The following MYH7 variants were observed in gnomAD, a reference collection of about 807,000 sequenced individuals.
MYH7 encodes the protein myosin-7.
A neutral mutation model predicts 225.4 loss-of-function variants in MYH7; 129 were observed. The observed-to-expected ratio is 0.57, with a 90% CI of 0.50 to 0.66. MYH7 has a LOEUF of 0.66. Among genes scored for constraint, MYH7 ranks in the 30% least tolerant of loss-of-function variants. MYH7 has a pLI of 0.00. For missense variants in MYH7, 1,649 were observed against 2,517.0 expected, an observed-to-expected ratio of 0.66 and a Z score of 7.38; for synonymous variants, 971 against 1,007.6, an observed-to-expected ratio of 0.96 and a Z score of 0.69.
chr14:23,420,076 C>T lies in MYH7; in HGVS notation c.3495G>A (p.Lys1165=), dbSNP rs1398447220. 1.9e-6 allele frequency: 3 copies of T among 1,596,062 alleles called. No homozygotes were observed. Among genetic ancestry groups the T allele is most frequent in the African/African-American group, 1.3e-5 (1 of 74,298 alleles). Reference sequence around the variant, plus strand: ...TCTTCTGGAACTCGGCCTCGCGCTTCTTGTTCATCTCGATCTGCACGGACG... The same window carrying T: ...TCTTCTGGAACTCGGCCTCGCGCTTTTTGTTCATCTCGATCTGCACGGACG... ...GATSVQIEMN[K]KREAEFQKMR... is the part of the protein sequence containing the mutation. Residue 1165 remains lysine, a synonymous_variant, in exon 27 of 40, where the codon AAG becomes AAA. Transcript: ENST00000355349.
chr14:23,418,220 C>G lies in MYH7; in HGVS notation c.4159G>C (p.Glu1387Gln), dbSNP rs730880792. The G allele has an allele frequency of 6.2e-7, 1 of 1,613,404 alleles. No individual in the cohort carries two copies. The change falls in exon 30 of 40, where the codon GAG becomes CAG. Residue 1387 changes from glutamate to glutamine, a missense_variant. Glu to Gln is a conservative substitution (Grantham distance 29). Transcript: ENST00000355349. The part of the protein sequence containing the change: ...TDAIQRTEEL[E>Q]EAKKKLAQRL... Reference sequence around the variant, plus strand: ...CTGCTCAGAACTCACTTGGCCTCCTCGAGCTCCTCAGTCCGCTGAATGGCG... The same window carrying G: ...CTGCTCAGAACTCACTTGGCCTCCTGGAGCTCCTCAGTCCGCTGAATGGCG...
rs2239578 is a variant in MYH7 at position 23,434,171 on chromosome 14, A to G, written c.-9+23T>C. On this transcript the variant is annotated intron_variant, in intron 2 of 39. Transcript: ENST00000355349. The stretch of plus-strand genomic sequence containing the variant: ...TGCCCAGTCTTACTAGATTTTCAAC[A>G]CTCTAGCTTCAGCTTTTCTTACCTG... The G allele has an allele frequency of 0.49, 517,505 of 1,056,418 alleles. 128,146 individuals carry two copies. The highest frequency in any genetic ancestry group is 0.63 in the African/African-American group (37,468 of 59,544). The allele number at this position is 1,056,418 out of a possible 1,614,324, so 65.4% of individuals were successfully genotyped here.
In MYH7 at chr14:23,415,867, C is replaced by A; in HGVS notation, c.4954-35G>T. Reference sequence around the variant, plus strand: ...AGGAGAGTGGGCATGAGCAGGGAGCCAGCCTCGGTTCCCTTCACTAAAGGC... The same window carrying A: ...AGGAGAGTGGGCATGAGCAGGGAGCAAGCCTCGGTTCCCTTCACTAAAGGC... On this transcript the variant is annotated intron_variant, in intron 34 of 39. Transcript: ENST00000355349. The surrounding 1 kb of genome is among the most constrained non-coding windows in gnomAD (Gnocchi z 6.3). 1 of 1,613,998 alleles carries A rather than the reference C, an allele frequency of 6.2e-7. No homozygotes were observed. The highest frequency in any genetic ancestry group is 2.2e-5 in the East Asian group (1 of 44,872).
In MYH7 at chr14:23,425,539, C is replaced by A. The variant is rs1595083277; in HGVS notation, c.2287-121G>T. The A allele has an allele frequency of 6.3e-7, 1 of 1,581,348 alleles. No homozygotes were observed. Among genetic ancestry groups the A allele is most frequent in the African/African-American group, 1.3e-5 (1 of 74,274 alleles). On this transcript the variant is annotated intron_variant, in intron 20 of 39. Coordinates refer to ENST00000355349, the MANE Select transcript of MYH7 (RefSeq NM_000257.4). This position sits in a 1 kb window ranked among gnomAD's most constrained non-coding sequence, Gnocchi z 4.6. The stretch of plus-strand genomic sequence containing the variant: ...ATTGCAGGGAGGAGGTCAATGGCAG[C>A]TGGAGCTGGGATGAGGGGAGTGGTG...
Position 23,428,543 on chromosome 14 carries a change from T to C in MYH7, c.1535A>G (p.Asp512Gly), listed in dbSNP as rs1892790810. ...KKEGIEWTFI[D>G]FGMDLQACID... is the part of the protein sequence containing the mutation. ...GCAGGCCTGCAGGTCCATGCCAAAGTCAATGAATGTCCACTCGATGCCCTC... is the reference window on the plus strand; with the variant it reads ...GCAGGCCTGCAGGTCCATGCCAAAGCCAATGAATGTCCACTCGATGCCCTC... The change falls in exon 15 of 40, where the codon GAC (aspartate) becomes GGC (glycine). Residue 512 changes from aspartate (D) to glycine (G), a missense_variant. This residue lies in a region of MYH7 where 76 missense variants were observed against 233.8 expected (regional missense o/e 0.33). Transcript: ENST00000355349. 2 of 1,614,110 alleles carry C rather than the reference T, an allele frequency of 1.2e-6. No homozygotes were observed. The highest frequency in any genetic ancestry group is 1.7e-6 in the Non-Finnish European group (2 of 1,180,024).
In MYH7 at chr14:23,419,260, G is replaced by A. The variant is rs1892362954; in HGVS notation, c.3889C>T (p.Leu1297=). Residue 1297 remains leucine, a synonymous_variant, in exon 29 of 40, where the codon CTG becomes TTG. Transcript: ENST00000355349. ...LSRQLDEKEA[L]ISQLTRGKLT... Reference sequence around the variant, plus strand: ...TTGCCTCGGGTCAGCTGGGAGATCAGTGCCTCCTTCTCATCCAGCTGCCGG... The same window carrying A: ...TTGCCTCGGGTCAGCTGGGAGATCAATGCCTCCTTCTCATCCAGCTGCCGG... 6.2e-7 allele frequency: 1 copy of A among 1,614,072 alleles called. No homozygotes were observed. The highest frequency in any genetic ancestry group is 1.1e-5 in the South Asian group (1 of 91,094).
chr14:23,429,438 G>A lies in MYH7; in HGVS notation c.1139-91C>T, dbSNP rs1252882108. On this transcript the variant is annotated intron_variant, in intron 12 of 39. Coordinates refer to ENST00000355349, the MANE Select transcript of MYH7 (RefSeq NM_000257.4). ...TGCCTGTAATCCCAGCACTTTGGGA[G>A]GCCAAGGCAGGCGGATCACTTGAGG... The A allele has an allele frequency of 9.4e-6, 12 of 1,273,524 alleles. No individual in the cohort carries two copies. In the East Asian group the frequency reaches 1.6e-4, roughly 17 times the overall value. 78.9% of individuals were successfully genotyped at this position (1,273,524 alleles called of 1,614,324 possible). A position where few individuals can be genotyped will look rare whatever the true frequency, so the allele number is the denominator to read the frequency against.
At position 23,434,211 on chromosome 14, in the gene MYH7, G is replaced by C; in HGVS notation, c.-26C>G. ...TTTCTTACCTGGGCTACTCAAGTGTGTCTACAGATGAGGAAAGGGGCCAAG... is the reference window on the plus strand; with the variant it reads ...TTTCTTACCTGGGCTACTCAAGTGTCTCTACAGATGAGGAAAGGGGCCAAG... On this transcript the variant is annotated 5_prime_UTR_variant, in exon 2 of 40. Coordinates refer to ENST00000355349, the MANE Select transcript of MYH7 (RefSeq NM_000257.4). 1 of 1,037,758 alleles carries C rather than the reference G, an allele frequency of 9.6e-7. No homozygotes were observed. The highest frequency in any genetic ancestry group is 1.2e-6 in the Non-Finnish European group (1 of 861,048). 64.3% of individuals were successfully genotyped at this position (1,037,758 alleles called of 1,614,324 possible).
chr14:23,416,429 A>G (rs1268508933), intron 33 of MYH7, 117 bp from the exon 34 acceptor site: 2 of 1,157,906 alleles, frequency 1.7e-6, no homozygotes, highest in East Asian at 4.7e-5. Flanking sequence ...AGTGGTTCAA[A>G]GAAGCAGAAG....
intron 29 of MYH7, among the ~76,000 whole-genome samples, 171 bp from the exon 30 acceptor site, chr14:23,418,577 C>T (rs1002542289): frequency 6.6e-6 from 1 of 152,200 alleles, no homozygotes; most frequent in Admixed American, 6.5e-5. Flanking sequence ...AATGCCAATA[C>T]AGCAGTGAAC....
intron 6 of MYH7, 105 bp downstream of exon 6, chr14:23,432,374 G>A (rs1006326182): frequency 2.7e-4 from 380 of 1,427,242 alleles, no homozygotes; most frequent in Middle Eastern, 3.5e-4. Context: ...ACGAGGTTGG[G>A]GGGAAAGAGG....
Position 23,425,583 on chromosome 14 carries a change from G to C in MYH7, c.2286+112C>G. The C allele has an allele frequency of 6.3e-7, 1 of 1,589,022 alleles. No individual in the cohort carries two copies. The highest frequency in any genetic ancestry group is 1.7e-5 in the Admixed American group (1 of 59,250). On this transcript the variant is annotated intron_variant, in intron 20 of 39. Transcript: ENST00000355349. The surrounding 1 kb of genome is among the most constrained non-coding windows in gnomAD (Gnocchi z 4.6). ...AGTGGTGCTAGATGTTCCACTGGGA[G>C]GGGTAGCATACAGGTAAGAGATTTT... is the stretch of plus-strand genomic sequence containing the variant.
rs1892418257 is a variant in MYH7 at position 23,420,196 on chromosome 14, C to T, written c.3375G>A (p.Glu1125=). The change falls in exon 27 of 40, where the codon GAG becomes GAA. Residue 1125 remains glutamate, a synonymous_variant. Coordinates refer to ENST00000355349, the MANE Select transcript of MYH7 (RefSeq NM_000257.4). ...TCTCCACCTTAGCCCTGGCGGTGCGCTCGGCCTCCAGCTCCTCCTCCAGCT... is the reference window on the plus strand; with the variant it reads ...TCTCCACCTTAGCCCTGGCGGTGCGTTCGGCCTCCAGCTCCTCCTCCAGCT... ...IEELEEELEA[E]RTARAKVEKL... 1.2e-6 allele frequency: 2 copies of T among 1,608,400 alleles called. No homozygotes were observed. Among genetic ancestry groups the T allele is most frequent in the South Asian group, 1.1e-5 (1 of 90,482 alleles).
rs1318155896 is a variant in MYH7 at position 23,429,808 on chromosome 14, G to A, written c.1105C>T (p.Arg369Trp). 3.7e-6 allele frequency: 6 copies of A among 1,612,856 alleles called. No homozygotes were observed. Among genetic ancestry groups the A allele is most frequent in the East Asian group, 2.2e-5 (1 of 44,856 alleles). Reference sequence around the variant, plus strand: ...CCGTCTGGCTCCGCCTGCTCCTCCCGCTGCTTCAGCTTGAACTTCATGTTT... The same window carrying A: ...CCGTCTGGCTCCGCCTGCTCCTCCCACTGCTTCAGCTTGAACTTCATGTTT... ...FGNMKFKLKQ[R>W]EEQAEPDGTE... The change falls in exon 12 of 40, where the codon CGG (arginine) becomes TGG (tryptophan). Residue 369 changes from arginine (R) to tryptophan (W), a missense_variant. By Grantham distance (101) the Arg-to-Trp change is moderately radical. Coordinates refer to ENST00000355349, the MANE Select transcript of MYH7 (RefSeq NM_000257.4).
chr14:23,423,987 A>T lies in MYH7; in HGVS notation c.2842T>A (p.Ser948Thr). The change falls in exon 23 of 40, where the codon TCA becomes ACA. Residue 948 changes from serine to threonine, a missense_variant. Ser to Thr is a moderately conservative substitution (Grantham distance 58). This residue lies in a region of MYH7 where 282 missense variants were observed against 315.3 expected (regional missense o/e 0.89). Transcript: ENST00000355349. Reference sequence around the variant, plus strand: ...TCATCGATGTCCCTTTTGAGCTCTGAGCACTCATCTTCCAGCTTGCGCTTC... The same window carrying T: ...TCATCGATGTCCCTTTTGAGCTCTGTGCACTCATCTTCCAGCTTGCGCTTC... The part of the protein sequence containing the change: ...AKKRKLEDEC[S>T]ELKRDIDDLE... 4 of 1,614,154 alleles carry T rather than the reference A, an allele frequency of 2.5e-6. 1 individual carries two copies. Among genetic ancestry groups the T allele is most frequent in the Non-Finnish European group, 3.4e-6 (4 of 1,180,020 alleles).
Position 23,432,461 on chromosome 14 carries a change from A to G in MYH7, c.530+18T>C. ...TCAGGGAGATTCTGAAAGGGAATACAGTAGCAGCTACACTCACGTGATCAG... is the reference window on the plus strand; with the variant it reads ...TCAGGGAGATTCTGAAAGGGAATACGGTAGCAGCTACACTCACGTGATCAG... On this transcript the variant is annotated intron_variant, in intron 6 of 39. Coordinates refer to ENST00000355349, the MANE Select transcript of MYH7 (RefSeq NM_000257.4). 6.2e-7 allele frequency: 1 copy of G among 1,614,076 alleles called. No individual in the cohort carries two copies. The highest frequency in any genetic ancestry group is 8.5e-7 in the Non-Finnish European group (1 of 1,179,942).
At chr14:23,421,755 C>T in intron 25 of MYH7, 1 of 985,444 alleles carries the variant, frequency 1.0e-6, no homozygotes, top group Non-Finnish European at 1.2e-6. Context: ...AGAAATGGCC[C>T]TGATCCCCTG....
Position 23,433,575 on chromosome 14 carries a change from G to T in MYH7, c.158C>A (p.Ser53Tyr), listed in dbSNP as rs1893034734. 2 of 1,614,216 alleles carry T rather than the reference G, an allele frequency of 1.2e-6. No homozygotes were observed. The highest frequency in any genetic ancestry group is 1.7e-6 in the Non-Finnish European group (2 of 1,180,038). The change falls in exon 3 of 40, where the codon TCT (serine) becomes TAT (tyrosine). Residue 53 changes from serine (S) to tyrosine (Y), a missense_variant. This residue lies in a region of MYH7 where 91 missense variants were observed against 96.5 expected (regional missense o/e 0.94). Transcript: ENST00000355349. This position sits in a 1 kb window ranked among gnomAD's most constrained non-coding sequence, Gnocchi z 4.1. ...KQEFVKAKIV[S>Y]REGGKVTAET... ...GGCAGTGACTTTGCCACCCTCTCGAGACACGATCTTGGCCTTGACAAACTC... is the reference window on the plus strand; with the variant it reads ...GGCAGTGACTTTGCCACCCTCTCGATACACGATCTTGGCCTTGACAAACTC...
In MYH7 at chr14:23,431,446, T is replaced by C. The variant is rs1057522662; in HGVS notation, c.768A>G (p.Gly256=). The C allele has an allele frequency of 4.3e-6, 7 of 1,614,206 alleles. No individual in the cohort carries two copies. Among genetic ancestry groups the C allele is most frequent in the Non-Finnish European group, 5.1e-6 (6 of 1,180,036 alleles). ...TCTCTATGTCTGCAGATGCCAACTT[T>C]CCTGTTGCCCCAAAATGAATTCGAA... ...KFIRIHFGAT[G]KLASADIETY... is the part of the protein sequence containing the mutation. The change falls in exon 9 of 40, where the codon GGA becomes GGG. Residue 256 remains glycine, a synonymous_variant. Coordinates refer to ENST00000355349, the MANE Select transcript of MYH7 (RefSeq NM_000257.4).
Sources: allele counts gnomAD v4.1 joint callset (sites outside exome capture counted in the v4.1 genomes callset), GRCh38; gene constraint gnomAD v4.1.1; regional missense constraint gnomAD v4.1.1; non-coding constraint Gnocchi (gnomAD v3.1); transcripts MANE v1.5; gene names NCBI Gene and HGNC (gene_info 2026-07-23, HGNC 2026-07-21).